CEP164: variants seen among roughly 807,000 people sequenced by gnomAD.
CEP164 encodes the protein centrosomal protein 164, also known as centrosomal protein of 164 kDa.
CEP164 carries 162 observed loss-of-function variants against 182.7 expected under a neutral mutation model. That is an observed-to-expected ratio of 0.89 (90% CI 0.78 to 1.01). The LOEUF (loss-of-function observed/expected upper bound fraction) is 1.01. Ranked by LOEUF, CEP164 falls within the 50% of genes least tolerant of loss-of-function variation. CEP164 has a pLI of 0.00. For synonymous variants in CEP164, 661 were observed against 690.0 expected (o/e 0.96, Z 0.66); for missense variants, 1,735 against 1,790.4 (o/e 0.97, Z 0.56).
intron 27 of CEP164, among the ~76,000 whole-genome samples, chr11:117,405,021 A>G (rs1012868728): frequency 2.0e-5 from 3 of 152,224 alleles, no homozygotes; most frequent in African/African-American, 7.2e-5. Context: ...AAGCTCGGGC[A>G]TCCCAGGTCT....
At position 117,411,904 on chromosome 11, in the gene CEP164, A is replaced by G; in HGVS notation, c.4273A>G (p.Asn1425Asp). 6.2e-7 allele frequency: 1 copy of G among 1,614,056 alleles called. No homozygotes were observed. The highest frequency in any genetic ancestry group is 1.1e-5 in the South Asian group (1 of 91,070). Residue 1425 changes from asparagine (N) to aspartate (D), a missense_variant, in exon 32 of 33, where the codon AAT (asparagine) becomes GAT (aspartate). By Grantham distance (23) the Asn-to-Asp change is conservative (BLOSUM62 1). Transcript: ENST00000278935. The surrounding 1 kb of genome is among the most constrained non-coding windows in gnomAD (Gnocchi z 4.4). The stretch of plus-strand genomic sequence containing the variant: ...CCGGAGGTGGCTGGAACGTGTCAAG[A>G]ATGACCCCAGGTTGTATCCTTTTAC... ...ANRRWLERVK[N>D]DPRLPLFSST...
rs753691535 is a variant in CEP164 at position 117,338,561 on chromosome 11, T to C, written c.-21-5T>C. 21 of 1,604,612 alleles carry C rather than the reference T, an allele frequency of 1.3e-5. No individual in the cohort carries two copies. The highest frequency in any genetic ancestry group is 1.3e-5 in the Non-Finnish European group (15 of 1,171,440). On this transcript the variant is annotated splice_region_variant and splice_polypyrimidine_tract_variant and intron_variant, in intron 2 of 32. Coordinates refer to ENST00000278935, the MANE Select transcript of CEP164 (RefSeq NM_014956.5). ...TCTCTTTTGGTGGGGGCCTCTGGGA[T>C]CTAGGTGTTTGAGCCCAGATGAGTC...
intron 9 of CEP164, among the ~76,000 whole-genome samples, chr11:117,372,390 C>T (rs1041545372): frequency 2.0e-5 from 3 of 151,852 alleles, no homozygotes; most frequent in East Asian, 1.9e-4. Context: ...GGATTATCGG[C>T]GTGAACCACT....
intron 14 of CEP164, chr11:117,385,434 TGACA>T (rs1423793397): frequency 3.9e-5 from 6 of 152,446 alleles, no homozygotes; most frequent in Admixed American, 1.3e-4. Context: ...AGAGGTCCAC[TGACA>T]GACAGCCCAG....
At chr11:117,368,985 G>GT (rs1274354746) in intron 8 of CEP164, among the ~76,000 whole-genome samples, 1 of 152,200 alleles carries the variant, frequency 6.6e-6, no homozygotes, top group African/African-American at 2.4e-5. Flanking sequence ...CCTGATGACA[G>GT]TATCACCACT....
intron 17 of CEP164, 138 bp from the exon 18 acceptor site, chr11:117,392,088 C>A: frequency 1.7e-6 from 1 of 602,618 alleles, no homozygotes; most frequent in Non-Finnish European, 2.7e-6. Context: ...TTCAGAGGAA[C>A]AAAGATGTGC....
chr11:117,349,100 G>C (rs1393220939), intron 4 of CEP164, among the ~76,000 whole-genome samples: 2 of 151,832 alleles, frequency 1.3e-5, no homozygotes, highest in African/African-American at 4.8e-5. Flanking sequence ...TTGGCTCACT[G>C]CAACCTCTGC....
At chr11:117,335,924 T>C (rs760664381) in intron 2 of CEP164, among the ~76,000 whole-genome samples, 44 of 152,288 alleles carry the variant, frequency 2.9e-4, no homozygotes, top group Non-Finnish European at 1.8e-4. Flanking sequence ...GATCTCAAAC[T>C]TGTCTTCAAT....
intron 1 of CEP164, among the ~76,000 whole-genome samples, chr11:117,333,395 GT>G (rs2036526067): frequency 6.6e-6 from 1 of 152,136 alleles, no homozygotes; most frequent in Non-Finnish European, 1.5e-5. Context: ...CTAGCTCATG[GT>G]TTTCTACCTT....
intron 8 of CEP164, among the ~76,000 whole-genome samples, chr11:117,366,432 A>G (rs1450370505): frequency 6.6e-6 from 1 of 152,084 alleles, no homozygotes; most frequent in Non-Finnish European, 1.5e-5. Flanking sequence ...CTGCTTTCCA[A>G]CTTAAACCCA....
intron 17 of CEP164, 27 bp downstream of exon 17, chr11:117,391,242 C>T: frequency 3.8e-6 from 6 of 1,580,382 alleles, no homozygotes; most frequent in Non-Finnish European, 5.2e-6. Flanking sequence ...GGGACCTCAC[C>T]CTCTGACCTG....
At chr11:117,340,446 G>T (rs1254561338) in intron 3 of CEP164, among the ~76,000 whole-genome samples, 1 of 152,254 alleles carries the variant, frequency 6.6e-6, no homozygotes, top group South Asian at 2.1e-4. Flanking sequence ...GGACTTGAGA[G>T]CAGGGTTCAC....
At position 117,408,980 on chromosome 11, in the gene CEP164, T is replaced by G; in HGVS notation, c.3700T>G (p.Ser1234Ala). ...SDMDSLSSES[S>A]ESFSPPHREW... Reference sequence around the variant, plus strand: ...CATGGACAGCCTGAGCAGTGAAAGTTCTGAATCTTTTTCCCCGCCTCACCG... The same window carrying G: ...CATGGACAGCCTGAGCAGTGAAAGTGCTGAATCTTTTTCCCCGCCTCACCG... Residue 1234 changes from serine to alanine, a missense_variant, in exon 29 of 33, where the codon TCT becomes GCT. Physicochemically the swap from Ser to Ala is moderately conservative, Grantham distance 99. Transcript: ENST00000278935. 1 of 1,613,754 alleles carries G rather than the reference T, an allele frequency of 6.2e-7. No homozygotes were observed. The highest frequency in any genetic ancestry group is 1.1e-5 in the South Asian group (1 of 91,048).
At chr11:117,385,124 C>G (rs576636910) in intron 14 of CEP164, 6 of 152,298 alleles carry the variant, frequency 3.9e-5, no homozygotes, top group African/African-American at 1.4e-4. Flanking sequence ...GCCCTCCGCT[C>G]TCTTTCTTCC....
At position 117,394,907 on chromosome 11, in the gene CEP164, C is replaced by T. The variant is rs1174903076; in HGVS notation, c.2761-13C>T. The T allele has an allele frequency of 1.9e-6, 3 of 1,613,746 alleles. No homozygotes were observed. The South Asian group carries it at 3.3e-5, about 18-fold the overall frequency. ...CACTCTTTCTATGCTTATGTGTTTC[C>T]CTTTCTGGGCAGGAAAGGAAGCTCC... is the stretch of plus-strand genomic sequence containing the variant. On this transcript the variant is annotated splice_polypyrimidine_tract_variant and intron_variant, in intron 21 of 32. Transcript: ENST00000278935. The surrounding 1 kb of genome is among the most constrained non-coding windows in gnomAD (Gnocchi z 4.0).
chr11:117,326,571 C>G (rs564883048), upstream of CEP164, among the ~76,000 whole-genome samples: 1 of 152,156 alleles, frequency 6.6e-6, no homozygotes, highest in African/African-American at 2.4e-5. Flanking sequence ...CAGGCCCGGT[C>G]GATAGTTTTT....
chr11:117,326,445 C>G (rs1340036381), upstream of CEP164, among the ~76,000 whole-genome samples: 1 of 147,330 alleles, frequency 6.8e-6, no homozygotes, highest in Admixed American at 6.8e-5. Flanking sequence ...ATTGGCCAGG[C>G]TGGTCTCGAA....
At chr11:117,335,474 A>G (rs2036941653) in intron 1 of CEP164, 131 bp from the exon 2 acceptor site, 1 of 152,088 alleles carries the variant, frequency 6.6e-6, no homozygotes, top group Non-Finnish European at 1.5e-5. Context: ...GCCATAGTAA[A>G]CAATCCCTGA....
chr11:117,394,613 C>G lies in CEP164; in HGVS notation c.2760+120C>G. ...CTGACAGCTTCTGGAGTGAGAGTCT[C>G]TCACTGGCCATCTCCAAGCTGGGGC... On this transcript the variant is annotated intron_variant, in intron 21 of 32. Transcript: ENST00000278935. This position sits in a 1 kb window ranked among gnomAD's most constrained non-coding sequence, Gnocchi z 4.0. The G allele has an allele frequency of 7.5e-7, 1 of 1,331,894 alleles. No individual in the cohort carries two copies. Among genetic ancestry groups the G allele is most frequent in the Non-Finnish European group, 1.0e-6 (1 of 980,936 alleles). The allele number at this position is 1,331,894 out of a possible 1,614,324, so 82.5% of individuals were successfully genotyped here. A position where few individuals can be genotyped will look rare whatever the true frequency, so the allele number is the denominator to read the frequency against.
Sources: gnomAD v4.1 joint callset for allele counts (sites outside exome capture counted in the v4.1 genomes callset) on GRCh38, gnomAD v4.1.1 for gene constraint, Gnocchi (gnomAD v3.1) non-coding constraint, MANE v1.5 for transcripts, NCBI Gene and HGNC (gene_info 2026-07-23, HGNC 2026-07-21) for gene names.